ZC3H12B: variants seen among roughly 807,000 people sequenced by gnomAD.
ZC3H12B encodes probable ribonuclease ZC3H12B.
In ZC3H12B, 7 loss-of-function variants were observed where a neutral mutation model predicts 43.9. The ratio of observed to expected loss-of-function variants is 0.16; its 90% CI spans 0.09 to 0.30. The LOEUF (loss-of-function observed/expected upper bound fraction) is 0.30. Among genes scored for constraint, ZC3H12B ranks in the 10% least tolerant of loss-of-function variants. ZC3H12B has a pLI of 1.00. For synonymous variants in ZC3H12B, 222 were observed against 241.7 expected (o/e 0.92, Z 0.76); for missense variants, 475 against 670.2 (o/e 0.71, Z 3.22).
chrX:65,450,431 T>A (rs1412486657), intron 3 of ZC3H12B, among the ~76,000 whole-genome samples: 1 of 70,039 alleles, frequency 1.4e-5, no homozygotes, highest in Non-Finnish European at 2.5e-5. Context: ...ATATATATAT[T>A]TATATGTGTA....
chrX:65,142,223 C>T, the ZC3H12B span, among the ~76,000 whole-genome samples: 1 of 112,062 alleles, frequency 8.9e-6, no homozygotes, highest in Admixed American at 9.5e-5. Flanking sequence ...GTATCACATG[C>T]TGGTTTTGAT....
chrX:65,122,983 G>C, the ZC3H12B span, among the ~76,000 whole-genome samples: 1 of 111,887 alleles, frequency 8.9e-6, no homozygotes, highest in Non-Finnish European at 1.9e-5. Context: ...CAACAAGACA[G>C]AAAGTTAACA....
the ZC3H12B span, chrX:65,270,770 G>T: frequency 8.9e-6 from 1 of 111,761 alleles, no homozygotes; most frequent in African/African-American, 3.3e-5. Flanking sequence ...ACTTCTGGAA[G>T]AGTCATGAAG....
chrX:65,146,316 A>G, the ZC3H12B span, among the ~76,000 whole-genome samples: 1 of 111,590 alleles, frequency 9.0e-6, no homozygotes, highest in Non-Finnish European at 1.9e-5. Context: ...ATGTGTGTCC[A>G]TTGTTTCCTG....
At chrX:65,400,070 C>T (rs191836572) in intron 3 of ZC3H12B, among the ~76,000 whole-genome samples, 3 of 110,227 alleles carry the variant, frequency 2.7e-5, no homozygotes, top group South Asian at 3.9e-4. Flanking sequence ...GGATAGTTAG[C>T]GGGTACAAAA....
At chrX:65,467,697 A>G (rs1398102963) in intron 3 of ZC3H12B, among the ~76,000 whole-genome samples, 2 of 112,157 alleles carry the variant, frequency 1.8e-5, no homozygotes, top group African/African-American at 6.5e-5. Context: ...TTCCTTGACA[A>G]TTAGTGATGT....
the ZC3H12B span, among the ~76,000 whole-genome samples, chrX:65,206,594 T>C: frequency 2.7e-5 from 3 of 111,146 alleles, no homozygotes; most frequent in African/African-American, 9.9e-5. Context: ...TTCTGGACAT[T>C]GGCTTAGGCA....
the ZC3H12B span, among the ~76,000 whole-genome samples, chrX:65,209,663 G>T: frequency 9.1e-6 from 1 of 110,228 alleles, no homozygotes; most frequent in Non-Finnish European, 1.9e-5. Flanking sequence ...CTGTTGATTT[G>T]GGGTGGAGAG....
chrX:65,148,169 C>T, the ZC3H12B span, among the ~76,000 whole-genome samples: 1 of 111,394 alleles, frequency 9.0e-6, no homozygotes, highest in Non-Finnish European at 1.9e-5. Context: ...AGCCTGGTTC[C>T]TGAGGCCAGG....
At chrX:65,213,858 G>A in the ZC3H12B span, among the ~76,000 whole-genome samples, 17 of 106,018 alleles carry the variant, frequency 1.6e-4, no homozygotes, top group South Asian at 6.6e-3. Context: ...TCACTATAAA[G>A]TAAATCATTT....
At chrX:65,322,365 A>G in the ZC3H12B span, among the ~76,000 whole-genome samples, 3 of 112,166 alleles carry the variant, frequency 2.7e-5, no homozygotes, top group Non-Finnish European at 5.6e-5. Flanking sequence ...AAATTTCCAC[A>G]TGAGTTTTTG....
the ZC3H12B span, among the ~76,000 whole-genome samples, chrX:65,248,822 C>A: frequency 7.2e-5 from 8 of 111,745 alleles, no homozygotes; most frequent in African/African-American, 2.6e-4. Context: ...TTACATTTCC[C>A]TGATCATTAG....
chrX:65,206,495 T>G, the ZC3H12B span, among the ~76,000 whole-genome samples: 1 of 111,852 alleles, frequency 8.9e-6, no homozygotes, highest in Non-Finnish European at 1.9e-5. Flanking sequence ...TCTCTCACCT[T>G]ATACAAAAAA....
At chrX:65,063,227 T>C in the ZC3H12B span, among the ~76,000 whole-genome samples, 1 of 111,984 alleles carries the variant, frequency 8.9e-6, no homozygotes, top group Non-Finnish European at 1.9e-5. Context: ...GAGGGCATCC[T>C]TGTCTTGTGC....
In ZC3H12B at chrX:65,407,961, G is replaced by T. The variant is rs1187763373; in HGVS notation, n.407+9257G>T. On this transcript the variant is annotated intron_variant and non_coding_transcript_variant, in intron 3 of 5. Transcript: ENST00000617377. ...CCCGGCCTAGCGCGCCTGCGTGCGT[G>T]GCCACCTCGCTCCCCGCTTCTGCCT... 3.5e-6 allele frequency: 3 copies of T among 860,629 alleles called. No homozygotes were observed. In the African/African-American group the frequency reaches 6.0e-5, roughly 17 times the overall value. 70.9% of individuals were successfully genotyped at this position (860,629 alleles called of 1,213,427 possible).
chrX:65,230,894 C>A, the ZC3H12B span, among the ~76,000 whole-genome samples: 7 of 111,816 alleles, frequency 6.3e-5, no homozygotes, highest in Non-Finnish European at 1.1e-4. Context: ...ACTACTTTAA[C>A]GCTGTAATTT....
At chrX:65,242,145 C>T in the ZC3H12B span, among the ~76,000 whole-genome samples, 2 of 110,895 alleles carry the variant, frequency 1.8e-5, no homozygotes, top group African/African-American at 6.6e-5. Context: ...TGGGCTATCA[C>T]CCCACCCTGC....
chrX:65,317,960 G>T, the ZC3H12B span, among the ~76,000 whole-genome samples: 1 of 106,629 alleles, frequency 9.4e-6, no homozygotes, highest in East Asian at 2.9e-4. Context: ...TTTTGCAATT[G>T]TGAGTTTTGC....
the ZC3H12B span, among the ~76,000 whole-genome samples, chrX:65,074,095 C>T: frequency 9.0e-6 from 1 of 111,535 alleles, no homozygotes. Flanking sequence ...TTTCATTTAT[C>T]TTTGGGCTGT....
Sources: allele counts gnomAD v4.1 joint callset (sites outside exome capture counted in the v4.1 genomes callset), GRCh38; gene constraint gnomAD v4.1.1; transcripts MANE v1.5; gene names NCBI Gene and HGNC (gene_info 2026-07-23, HGNC 2026-07-21).